FBXL13: variants seen among roughly 807,000 people sequenced by gnomAD.
FBXL13 encodes the protein F-box and leucine rich repeat protein 13.
In FBXL13, 67 loss-of-function variants were observed where a neutral mutation model predicts 83.6. That is an observed-to-expected ratio of 0.80 (90% CI 0.66 to 0.98). The LOEUF (loss-of-function observed/expected upper bound fraction) is 0.98. FBXL13 is among the 50% of genes least tolerant of loss of function. The pLI is 0.00. For missense variants in FBXL13, 822 were observed against 866.5 expected, an observed-to-expected ratio of 0.95 and a Z score of 0.64; for synonymous variants, 272 against 299.5, an observed-to-expected ratio of 0.91 and a Z score of 0.95.
At chr7:102,869,885 C>G (rs895662769) in intron 16 of FBXL13, among the ~76,000 whole-genome samples, 1 of 152,054 alleles carries the variant, frequency 6.6e-6, no homozygotes, top group Admixed American at 6.6e-5. Context: ...AAGGTGAGTA[C>G]GAGAAACAGT....
chr7:102,880,089 T>G (rs746871650), intron 14 of FBXL13, among the ~76,000 whole-genome samples: 5 of 152,244 alleles, frequency 3.3e-5, no homozygotes, highest in Admixed American at 2.6e-4. Context: ...TATGTATTTT[T>G]AATTTATCTT....
intron 10 of FBXL13, among the ~76,000 whole-genome samples, chr7:102,914,387 A>G (rs1474282112): frequency 2.0e-5 from 3 of 152,226 alleles, no homozygotes; most frequent in African/African-American, 7.2e-5. Context: ...GCACTTTTTA[A>G]GAGGTCAAGG....
chr7:102,844,029 G>T (rs1406438288), intron 17 of FBXL13, among the ~76,000 whole-genome samples: 1 of 152,174 alleles, frequency 6.6e-6, no homozygotes, highest in African/African-American at 2.4e-5. Flanking sequence ...AAACCAGCTT[G>T]TGAAGAATAT....
Position 102,904,705 on chromosome 7 carries a change from ATTGT to A in FBXL13, c.1008+8377_1008+8380del, listed in dbSNP as rs201782443. Among the ~76,000 whole-genome samples the A allele has an allele frequency of 7.6e-3, 1,152 of 151,874 alleles. 9 individuals carry two copies. The highest frequency in any genetic ancestry group is 0.01 in the Non-Finnish European group (694 of 67,868). On this transcript the variant is annotated intron_variant, in intron 11 of 19. Coordinates refer to ENST00000313221, the Ensembl canonical transcript of FBXL13. ...CTAGTTCTTTAAGATGCATCATCAG[ATTGT>A]TTATTTATAGTTTTTCCTCTTTTTT...
chr7:103,037,052 A>G (rs1163851432), intron 2 of FBXL13, among the ~76,000 whole-genome samples: 2 of 152,252 alleles, frequency 1.3e-5, no homozygotes, highest in Admixed American at 6.5e-5. Context: ...TGCCATAAAT[A>G]GCAGACAGAA....
intron 8 of FBXL13, chr7:102,933,909 T>C: frequency 6.3e-7 from 1 of 1,590,342 alleles, no homozygotes; most frequent in African/African-American, 1.3e-5. Context: ...CAGCTGGATG[T>C]CAGGATGCGT....
chr7:103,074,784 A>G (rs1435059475), upstream of FBXL13: 20 of 1,288,390 alleles, frequency 1.6e-5, no homozygotes, highest in Non-Finnish European at 2.0e-5. Flanking sequence ...CCAAGGCCTG[A>G]CGGAGAAGCT....
At chr7:103,060,034 A>ATATATG (rs1797723049) in intron 1 of FBXL13, among the ~76,000 whole-genome samples, 1 of 89,770 alleles carries the variant, frequency 1.1e-5, no homozygotes, top group Non-Finnish European at 2.2e-5. Flanking sequence ...ATATATATAT[A>ATATATG]TATATATATA....
At chr7:103,059,650 C>T (rs1018725132) in intron 1 of FBXL13, among the ~76,000 whole-genome samples, 6 of 152,100 alleles carry the variant, frequency 3.9e-5, no homozygotes, top group African/African-American at 4.8e-5. Context: ...AAAGCAATTA[C>T]GTAATCCTCA....
chr7:102,889,774 T>C (rs1223570672), intron 11 of FBXL13, among the ~76,000 whole-genome samples: 1 of 152,172 alleles, frequency 6.6e-6, no homozygotes, highest in Non-Finnish European at 1.5e-5. Flanking sequence ...CAATTCTAAA[T>C]TCCCCCCATT....
intron 14 of FBXL13, among the ~76,000 whole-genome samples, chr7:102,882,209 G>A (rs985586155): frequency 2.2e-4 from 33 of 151,784 alleles, no homozygotes; most frequent in African/African-American, 7.2e-4. Flanking sequence ...TACAGTAACT[G>A]TGCAACTGTA....
intron 6 of FBXL13, among the ~76,000 whole-genome samples, chr7:102,984,175 C>T (rs889505827): frequency 2.0e-5 from 3 of 151,748 alleles, no homozygotes; most frequent in Non-Finnish European, 4.4e-5. Flanking sequence ...AAAAAAGAGT[C>T]ATTTGCATCT....
intron 6 of FBXL13, among the ~76,000 whole-genome samples, chr7:103,004,851 G>T (rs186086093): frequency 3.9e-5 from 6 of 152,250 alleles, no homozygotes; most frequent in Admixed American, 2.0e-4. Flanking sequence ...ATTTTCAGAG[G>T]GGGAGAGTGA....
At chr7:102,922,078 T>C (rs1262660783) in intron 10 of FBXL13, among the ~76,000 whole-genome samples, 3 of 151,932 alleles carry the variant, frequency 2.0e-5, no homozygotes, top group Non-Finnish European at 4.4e-5. Flanking sequence ...TAATCCTAGT[T>C]ACTCAGGAGG....
At chr7:102,966,060 C>T (rs533725314) in intron 7 of FBXL13, among the ~76,000 whole-genome samples, 2 of 152,312 alleles carry the variant, frequency 1.3e-5, no homozygotes, top group South Asian at 2.1e-4. Context: ...AACATCTTTA[C>T]GTCGCATCTG....
In FBXL13 at chr7:103,061,306, C is replaced by T. The variant is rs115605454; in HGVS notation, c.-104-5559G>A. Reference sequence around the variant, plus strand: ...TGAGACAAAGGACTCTGATACCTGCCGGACTGGGCCTGTCCCAGAGGGGAA... The same window carrying T: ...TGAGACAAAGGACTCTGATACCTGCTGGACTGGGCCTGTCCCAGAGGGGAA... On this transcript the variant is annotated intron_variant, in intron 1 of 19. Coordinates refer to ENST00000313221, the Ensembl canonical transcript of FBXL13. Among the ~76,000 whole-genome samples the T allele has an allele frequency of 4.7e-3, 708 of 152,242 alleles. 7 individuals are homozygous for T. Among genetic ancestry groups the T allele is most frequent in the African/African-American group, 0.016 (677 of 41,540 alleles).
chr7:102,843,643 G>A (rs539731966), intron 17 of FBXL13, among the ~76,000 whole-genome samples: 2 of 151,954 alleles, frequency 1.3e-5, no homozygotes, highest in Non-Finnish European at 2.9e-5. Flanking sequence ...AGACATGGTC[G>A]TGGGCACCTG....
chr7:102,869,530 C>T (rs1272347376), intron 16 of FBXL13, among the ~76,000 whole-genome samples: 1 of 151,908 alleles, frequency 6.6e-6, no homozygotes, highest in Non-Finnish European at 1.5e-5. Context: ...TTTCGAGGTA[C>T]CATCCAAAAA....
intron 16 of FBXL13, among the ~76,000 whole-genome samples, chr7:102,869,949 T>A (rs777296833): frequency 2.0e-5 from 3 of 152,194 alleles, no homozygotes; most frequent in African/African-American, 7.2e-5. Flanking sequence ...TGGGCAGTTA[T>A]AAGAGATGAT....
Sources: allele counts gnomAD v4.1 joint callset (sites outside exome capture counted in the v4.1 genomes callset), GRCh38; gene constraint gnomAD v4.1.1; transcripts MANE v1.5; gene names NCBI Gene and HGNC (gene_info 2026-07-23, HGNC 2026-07-21).